ANO2: variants seen among roughly 807,000 people sequenced by gnomAD.
The protein encoded by ANO2 is anoctamin-2.
In ANO2, 101 loss-of-function variants were observed where a neutral mutation model predicts 124.2. The observed-to-expected ratio is 0.81, with a 90% CI of 0.69 to 0.96. The LOEUF is 0.96. ANO2 is among the 40% of genes least tolerant of loss of function. The probability of loss-of-function intolerance (pLI) is 0.00; values close to 1 mark genes in which losing one functional copy is unlikely to be tolerated. For synonymous variants in ANO2, 486 were observed against 482.5 expected (o/e 1.01, Z -0.09); for missense variants, 1,293 against 1,274.5 (o/e 1.01, Z -0.22).
At chr12:5,784,772 G>C (rs186455087) in intron 10 of ANO2, among the ~76,000 whole-genome samples, 1 of 152,174 alleles carries the variant, frequency 6.6e-6, no homozygotes, top group African/African-American at 2.4e-5. Context: ...CTCCCCAGAC[G>C]TGCTGTTCAA....
chr12:5,881,269 C>G (rs1938483380), intron 3 of ANO2, among the ~76,000 whole-genome samples: 1 of 152,064 alleles, frequency 6.6e-6, no homozygotes, highest in South Asian at 2.1e-4. Context: ...TAAAGAAACC[C>G]ACATATGCAT....
intron 14 of ANO2, among the ~76,000 whole-genome samples, chr12:5,664,412 C>A (rs1408131918): frequency 6.6e-6 from 1 of 152,238 alleles, no homozygotes; most frequent in Admixed American, 6.5e-5. Flanking sequence ...TCCATCCATA[C>A]ATGCATCCAT....
intron 14 of ANO2, among the ~76,000 whole-genome samples, chr12:5,692,100 A>T (rs1040645341): frequency 5.9e-5 from 9 of 152,150 alleles, no homozygotes; most frequent in African/African-American, 2.2e-4. Flanking sequence ...ACTAGACTCT[A>T]AGGGAATGAG....
At chr12:5,770,421 C>G (rs1340018674) in intron 10 of ANO2, among the ~76,000 whole-genome samples, 1 of 152,188 alleles carries the variant, frequency 6.6e-6, no homozygotes, top group Non-Finnish European at 1.5e-5. Flanking sequence ...TGCACTGGAA[C>G]AATTCCTCTT....
chr12:5,916,107 T>C (rs1050577871), intron 3 of ANO2, among the ~76,000 whole-genome samples: 17 of 151,750 alleles, frequency 1.1e-4, no homozygotes, highest in African/African-American at 4.1e-4. Flanking sequence ...TGAAGCCCCG[T>C]CTCTACAAAA....
intron 14 of ANO2, among the ~76,000 whole-genome samples, chr12:5,663,826 T>C (rs1185317850): frequency 6.6e-6 from 1 of 152,226 alleles, no homozygotes; most frequent in East Asian, 1.9e-4. Flanking sequence ...CTCTAAGATG[T>C]CACTGGTGCA....
intron 3 of ANO2, among the ~76,000 whole-genome samples, chr12:5,917,370 A>C (rs953134221): frequency 1.3e-5 from 2 of 152,148 alleles, no homozygotes; most frequent in Non-Finnish European, 2.9e-5. Flanking sequence ...AAGAAAAAAA[A>C]AAGTATTCAC....
At chr12:5,620,487 G>C (rs1945058180) in intron 16 of ANO2, among the ~76,000 whole-genome samples, 1 of 152,150 alleles carries the variant, frequency 6.6e-6, no homozygotes, top group Non-Finnish European at 1.5e-5. Context: ...AATTCTACAG[G>C]GGTTGAACTG....
intron 14 of ANO2, among the ~76,000 whole-genome samples, chr12:5,666,417 C>T (rs1388196079): frequency 1.3e-5 from 2 of 152,144 alleles, no homozygotes; most frequent in South Asian, 2.1e-4. Context: ...CTTCTTTCAC[C>T]CCTTATTCAT....
intron 10 of ANO2, among the ~76,000 whole-genome samples, chr12:5,760,583 A>G (rs1194508219): frequency 6.6e-6 from 1 of 152,190 alleles, no homozygotes; most frequent in Admixed American, 6.5e-5. Flanking sequence ...CTTAAAAAAG[A>G]TGTAAAGAAT....
Position 5,728,198 on chromosome 12 carries a change from A to T in ANO2, c.1545+4322T>A, listed in dbSNP as rs146738535. 7.7e-3 allele frequency among the ~76,000 whole-genome samples: 1,178 copies of T among 152,324 alleles called. 16 individuals are homozygous for T. Among genetic ancestry groups the T allele is most frequent in the African/African-American group, 0.026 (1,088 of 41,566 alleles). Reference sequence around the variant, plus strand: ...CAGGGATAAAATATATCCAGATTGGAAAAAAGAAGTAAAACTATCACTATT... The same window carrying T: ...CAGGGATAAAATATATCCAGATTGGTAAAAAGAAGTAAAACTATCACTATT... On this transcript the variant is annotated intron_variant, in intron 14 of 24. Coordinates refer to ENST00000682330, the MANE Select transcript of ANO2 (RefSeq NM_001364791.2).
At chr12:5,681,664 C>T (rs1207390191) in intron 14 of ANO2, among the ~76,000 whole-genome samples, 1 of 152,226 alleles carries the variant, frequency 6.6e-6, no homozygotes, top group Non-Finnish European at 1.5e-5. Context: ...GAAATGTACT[C>T]TCTTCCTCTA....
At chr12:5,763,339 T>C (rs1453491093) in intron 10 of ANO2, among the ~76,000 whole-genome samples, 1 of 152,096 alleles carries the variant, frequency 6.6e-6, no homozygotes, top group Non-Finnish European at 1.5e-5. Context: ...AAATATGATA[T>C]GTCTTCGCAT....
At position 5,873,245 on chromosome 12, in the gene ANO2, CTG is replaced by C. The variant is rs1405325581; in HGVS notation, c.535-19106_535-19105del. 1.3e-3 allele frequency among the ~76,000 whole-genome samples: 183 copies of C among 136,468 alleles called. 2 individuals carry two copies. Among genetic ancestry groups the C allele is most frequent in the Admixed American group, 2.3e-3 (32 of 14,144 alleles). 89.5% of individuals were successfully genotyped at this position (136,468 alleles called of 152,430 possible). A position where few individuals can be genotyped will look rare whatever the true frequency, so the allele number is the denominator to read the frequency against. Reference sequence around the variant, plus strand: ...TCTCTCTCTCTCTCTCTCTCTCTCTCTGTCTGTCTCTCTCCCTTTCTCTCTTT... The same window carrying C: ...TCTCTCTCTCTCTCTCTCTCTCTCTCTCTGTCTCTCTCCCTTTCTCTCTTT... On this transcript the variant is annotated intron_variant, in intron 3 of 24. Coordinates refer to ENST00000682330, the MANE Select transcript of ANO2 (RefSeq NM_001364791.2).
At chr12:5,775,447 G>C (rs1362029202) in intron 10 of ANO2, among the ~76,000 whole-genome samples, 2 of 150,658 alleles carry the variant, frequency 1.3e-5, no homozygotes, top group Non-Finnish European at 2.9e-5. Context: ...GCATCCTCCT[G>C]AGCACCATCA....
chr12:5,584,682 A>T (rs1205751786), intron 20 of ANO2, among the ~76,000 whole-genome samples: 2 of 152,236 alleles, frequency 1.3e-5, no homozygotes, highest in Non-Finnish European at 2.9e-5. Flanking sequence ...AAGGGAAGCC[A>T]ACTATGCTTT....
intron 4 of ANO2, among the ~76,000 whole-genome samples, chr12:5,853,292 G>A (rs61908366): frequency 0.048 from 7,176 of 149,888 alleles, 217 homozygotes; most frequent in Non-Finnish European, 0.07. Context: ...GTGAGCCACC[G>A]TTCCTGGCCT....
At chr12:5,814,551 ACCCTTAT>A (rs1224912444) in intron 7 of ANO2, among the ~76,000 whole-genome samples, 8 of 139,408 alleles carry the variant, frequency 5.7e-5, no homozygotes. Context: ...CTTTCTCCTG[ACCCTTAT>A]CCCTACACGA....
At chr12:5,889,103 C>T (rs570279201) in intron 3 of ANO2, among the ~76,000 whole-genome samples, 32 of 152,364 alleles carry the variant, frequency 2.1e-4, no homozygotes, top group African/African-American at 6.7e-4. Context: ...TGCTAAGCCT[C>T]TCACTGCCCA....
Sources: allele counts gnomAD v4.1 joint callset (sites outside exome capture counted in the v4.1 genomes callset), GRCh38; gene constraint gnomAD v4.1.1; transcripts MANE v1.5; gene names NCBI Gene and HGNC (gene_info 2026-07-23, HGNC 2026-07-21).